Variants in GNG4 observed in about 807,000 individuals in gnomAD.
GNG4 encodes G protein subunit gamma 4.
In GNG4, 4 loss-of-function variants were observed where a neutral mutation model predicts 5.8. The observed-to-expected ratio is 0.69, with a 90% CI of 0.34 to 1.57. The LOEUF is 1.57. GNG4 is among the 40% of genes most tolerant of loss of function. The pLI, the probability that GNG4 is intolerant of heterozygous loss-of-function variation, is 0.06. For missense variants in GNG4, 96 were observed against 95.1 expected (o/e 1.01, Z -0.04); for synonymous variants, 29 against 32.9 (o/e 0.88, Z 0.41).
intron 2 of GNG4, among the ~76,000 whole-genome samples, chr1:235,588,078 G>A (rs1687868591): frequency 1.3e-5 from 2 of 151,900 alleles, no homozygotes; most frequent in African/African-American, 4.8e-5. Flanking sequence ...CTGTTCAGAC[G>A]GCCCTGATCC....
At chr1:235,563,708 G>T (rs1687127327) in intron 3 of GNG4, among the ~76,000 whole-genome samples, 1 of 152,186 alleles carries the variant, frequency 6.6e-6, no homozygotes, top group Admixed American at 6.5e-5. Context: ...ATGTGACTTT[G>T]TTTCTGTCTA....
chr1:235,584,567 C>T (rs1232913392), intron 2 of GNG4, among the ~76,000 whole-genome samples: 1 of 152,236 alleles, frequency 6.6e-6, no homozygotes, highest in Non-Finnish European at 1.5e-5. Context: ...CTATCCCAAG[C>T]ATAGATTTAT....
rs115901551 is a variant in GNG4, at chr1:235,591,883, C to T, written c.-11+3517G>A. Among the ~76,000 whole-genome samples the T allele has an allele frequency of 1.5e-3, 232 of 152,300 alleles. 1 individual carries two copies. Among genetic ancestry groups the T allele is most frequent in the African/African-American group, 5.4e-3 (223 of 41,562 alleles). On this transcript the variant is annotated intron_variant, in intron 2 of 3. Coordinates refer to ENST00000391854, the MANE Select transcript of GNG4 (RefSeq NM_001098722.2). ...GTTTCTTGAGATGCAGCAGAGAACCCGTTGTACGGGTCTGTGGGACCCCCA... is the reference window on the plus strand; with the variant it reads ...GTTTCTTGAGATGCAGCAGAGAACCTGTTGTACGGGTCTGTGGGACCCCCA...
At chr1:235,610,622 T>C (rs1317363333) in intron 1 of GNG4, among the ~76,000 whole-genome samples, 1 of 152,206 alleles carries the variant, frequency 6.6e-6, no homozygotes, top group Non-Finnish European at 1.5e-5. Context: ...CCCTTCAAGC[T>C]GGTTCCTGTG....
intron 3 of GNG4, among the ~76,000 whole-genome samples, chr1:235,574,473 T>C (rs1426891164): frequency 6.6e-6 from 1 of 152,222 alleles, no homozygotes; most frequent in East Asian, 1.9e-4. Context: ...ATATGACTTT[T>C]TCACATTCTC....
At chr1:235,625,160 G>A (rs1044290850) in intron 1 of GNG4, among the ~76,000 whole-genome samples, 1 of 152,166 alleles carries the variant, frequency 6.6e-6, no homozygotes, top group Admixed American at 6.6e-5. Context: ...CCCACACAAA[G>A]CCACAAGAAT....
intron 1 of GNG4, among the ~76,000 whole-genome samples, chr1:235,605,945 A>G (rs1688346933): frequency 9.4e-6 from 1 of 106,416 alleles, no homozygotes; most frequent in Non-Finnish European, 2.1e-5. Context: ...TATTTTTTTG[A>G]TTGAGAGTGT....
intron 3 of GNG4, among the ~76,000 whole-genome samples, chr1:235,568,412 G>A (rs189989561): frequency 6.6e-6 from 1 of 152,042 alleles, no homozygotes; most frequent in African/African-American, 2.4e-5. Flanking sequence ...GCTTTCTTAT[G>A]GTCTTAATGT....
intron 1 of GNG4, among the ~76,000 whole-genome samples, chr1:235,613,700 TGA>T (rs1442961374): frequency 6.6e-6 from 1 of 152,228 alleles, no homozygotes; most frequent in Non-Finnish European, 1.5e-5. Flanking sequence ...TTTACCCTAC[TGA>T]GATTCATTTT....
At chr1:235,582,489 C>T (rs1255233026) in intron 3 of GNG4, among the ~76,000 whole-genome samples, 1 of 152,216 alleles carries the variant, frequency 6.6e-6, no homozygotes, top group Non-Finnish European at 1.5e-5. Flanking sequence ...ATTTCTCTCC[C>T]AGGACCCTTC....
intron 2 of GNG4, among the ~76,000 whole-genome samples, chr1:235,591,783 T>C (rs1256746876): frequency 6.6e-6 from 1 of 152,202 alleles, no homozygotes; most frequent in Non-Finnish European, 1.5e-5. Flanking sequence ...GGGTGGCACC[T>C]GGGGCCACGT....
chr1:235,597,630 A>ATT (rs746989867), intron 1 of GNG4, among the ~76,000 whole-genome samples: 510 of 35,578 alleles, frequency 0.014, 12 homozygotes, highest in African/African-American at 0.043. Context: ...GTGTGTGTGT[A>ATT]TTTTTTTTTT....
At chr1:235,597,780 C>CTGTAATT in intron 1 of GNG4, among the ~76,000 whole-genome samples, 1 of 151,876 alleles carries the variant, frequency 6.6e-6, no homozygotes, top group African/African-American at 2.4e-5. Context: ...TGCCCACCAC[C>CTGTAATT]ACACCTGGCT....
Position 235,550,753 on chromosome 1 carries a change from A to G in GNG4, c.*1356T>C, listed in dbSNP as rs560895526. ...CGAGTGGAGGTTGCGGTGAGCTGAG[A>G]TTGTGCCATTGCATTCCAGCCCGGG... is the stretch of plus-strand genomic sequence containing the variant. On this transcript the variant is annotated 3_prime_UTR_variant, in exon 4 of 4. Coordinates refer to ENST00000391854, the MANE Select transcript of GNG4 (RefSeq NM_001098722.2). The G allele has an allele frequency of 2.6e-5, 4 of 152,292 alleles. No individual in the cohort carries two copies. Among genetic ancestry groups the G allele is most frequent in the African/African-American group, 9.6e-5 (4 of 41,538 alleles). The allele number at this position is 152,292 out of a possible 1,614,324, so 9.4% of individuals were successfully genotyped here. A position where few individuals can be genotyped will look rare whatever the true frequency, so the allele number is the denominator to read the frequency against.
chr1:235,619,156 AATT>A (rs1688656842), intron 1 of GNG4, among the ~76,000 whole-genome samples: 2 of 123,348 alleles, frequency 1.6e-5, no homozygotes, highest in African/African-American at 7.2e-5. Context: ...AAAAAAAAAA[AATT>A]TATATATATA....
At chr1:235,584,047 T>C (rs1687706095) in intron 2 of GNG4, among the ~76,000 whole-genome samples, 199 bp from the exon 3 acceptor site, 1 of 152,152 alleles carries the variant, frequency 6.6e-6, no homozygotes, top group African/African-American at 2.4e-5. Context: ...ATGCTTTTGT[T>C]TGGAAAAACT....
In GNG4 at chr1:235,644,850, C is replaced by T. The variant is rs2102991199; in HGVS notation, c.-123+4812G>A. On this transcript the variant is annotated intron_variant, in intron 1 of 3. Transcript: ENST00000391854. This position sits in a 1 kb window ranked among gnomAD's most constrained non-coding sequence, Gnocchi z 5.9. ...TCCTCAGATCGGGCTGGAGAGACAT[C>T]CAGGAGGAGGATGCCAGTTGTTGGG... is the stretch of plus-strand genomic sequence containing the variant. 6.6e-6 allele frequency among the ~76,000 whole-genome samples: 1 copy of T among 152,246 alleles called. No homozygotes were observed. The highest frequency in any genetic ancestry group is 1.5e-5 in the Non-Finnish European group (1 of 68,012).
intron 1 of GNG4, among the ~76,000 whole-genome samples, chr1:235,605,957 G>GT (rs549408285): frequency 3.0e-5 from 4 of 131,834 alleles, no homozygotes; most frequent in East Asian, 2.1e-4. Flanking sequence ...TGAGAGTGTG[G>GT]GGGGGTGGGT....
chr1:235,643,570 GCAGT>G lies in GNG4; in HGVS notation c.-123+6088_-123+6091del, dbSNP rs571648968. Among the ~76,000 whole-genome samples, 8 of 152,318 alleles carry G rather than the reference GCAGT, an allele frequency of 5.3e-5. No individual in the cohort carries two copies. In the South Asian group the frequency reaches 1.7e-3, roughly 32 times the overall value. ...TTTATTGCAGGTGCTTATCACACAT[GCAGT>G]CAATGAACACCTCACAAATGCAAGG... is the stretch of plus-strand genomic sequence containing the variant. On this transcript the variant is annotated intron_variant, in intron 1 of 3. Transcript: ENST00000391854.
Sources: allele counts gnomAD v4.1 joint callset (sites outside exome capture counted in the v4.1 genomes callset), GRCh38; gene constraint gnomAD v4.1.1; non-coding constraint Gnocchi (gnomAD v3.1); transcripts MANE v1.5; gene names NCBI Gene and HGNC (gene_info 2026-07-23, HGNC 2026-07-21).